Variants in EXOC4 observed in about 807,000 individuals in gnomAD.
The protein encoded by EXOC4 is SEC8-like 1.
Under a neutral mutation model 107.2 loss-of-function variants are expected in EXOC4, and 71 were observed. The observed-to-expected ratio is 0.66, with a 90% confidence interval of 0.55 to 0.81. The LOEUF is 0.81. EXOC4 is among the 30% of genes least tolerant of loss of function. The pLI is 0.00. For synonymous variants in EXOC4, 456 were observed against 441.2 expected (o/e 1.03, Z -0.42); for missense variants, 1,108 against 1,189.6 (o/e 0.93, Z 1.01).
At chr7:133,877,354 T>C (rs144375149) in intron 11 of EXOC4, among the ~76,000 whole-genome samples, 17 of 152,066 alleles carry the variant, frequency 1.1e-4, no homozygotes, top group Non-Finnish European at 1.9e-4. Flanking sequence ...ACATGCGAGG[T>C]TTTTTTTACA....
At chr7:133,432,974 C>T (rs867671846) in intron 7 of EXOC4, among the ~76,000 whole-genome samples, 3 of 152,212 alleles carry the variant, frequency 2.0e-5, no homozygotes, top group South Asian at 2.1e-4. Context: ...ATTTCTGAGA[C>T]ATCAATGAAA....
chr7:133,268,231 C>T (rs892720949), intron 1 of EXOC4, among the ~76,000 whole-genome samples: 3 of 152,222 alleles, frequency 2.0e-5, no homozygotes, highest in East Asian at 1.9e-4. Context: ...TGCAGAGCTC[C>T]GTTTGAATCT....
At chr7:133,373,644 A>G (rs2079749146) in intron 6 of EXOC4, among the ~76,000 whole-genome samples, 1 of 152,216 alleles carries the variant, frequency 6.6e-6, no homozygotes, top group South Asian at 2.1e-4. Context: ...GACACTGCTG[A>G]CAAGCTCTTT....
At chr7:133,324,185 A>G (rs1301846750) in intron 5 of EXOC4, among the ~76,000 whole-genome samples, 1 of 151,886 alleles carries the variant, frequency 6.6e-6, no homozygotes, top group Non-Finnish European at 1.5e-5. Flanking sequence ...TTGATTTTTG[A>G]AGGGTTTTTT....
chr7:134,068,828 C>T (rs1186886029), downstream of EXOC4, among the ~76,000 whole-genome samples: 1 of 152,182 alleles, frequency 6.6e-6, no homozygotes, highest in East Asian at 1.9e-4. Flanking sequence ...GGCAACCAAA[C>T]CCTAATGCTA....
chr7:133,614,069 A>G (rs894013940), intron 9 of EXOC4, among the ~76,000 whole-genome samples: 1 of 152,148 alleles, frequency 6.6e-6, no homozygotes, highest in Non-Finnish European at 1.5e-5. Flanking sequence ...TGAGTTCCCA[A>G]ACATCATTAA....
chr7:133,711,980 T>G (rs1447618295), intron 10 of EXOC4, among the ~76,000 whole-genome samples: 1 of 152,152 alleles, frequency 6.6e-6, no homozygotes, highest in Non-Finnish European at 1.5e-5. Context: ...AAAGTGGATT[T>G]GACAAACATC....
At chr7:133,564,219 A>G (rs1278061171) in intron 9 of EXOC4, among the ~76,000 whole-genome samples, 1 of 152,174 alleles carries the variant, frequency 6.6e-6, no homozygotes, top group African/African-American at 2.4e-5. Flanking sequence ...GGAAGGCCTC[A>G]GGAAACCTTC....
intron 17 of EXOC4, among the ~76,000 whole-genome samples, chr7:134,063,483 G>A (rs185814072): frequency 1.8e-3 from 272 of 152,256 alleles, no homozygotes; most frequent in Middle Eastern, 0.01. Flanking sequence ...TCTTTGTGAT[G>A]TGGGCAAGCC....
chr7:134,007,238 G>C (rs897347370), intron 16 of EXOC4, among the ~76,000 whole-genome samples: 12 of 152,124 alleles, frequency 7.9e-5, no homozygotes, highest in African/African-American at 2.9e-4. Flanking sequence ...CAACTTTTGA[G>C]CCCAAAGTGT....
At chr7:134,006,829 A>G (rs1794652488) in intron 16 of EXOC4, among the ~76,000 whole-genome samples, 1 of 152,186 alleles carries the variant, frequency 6.6e-6, no homozygotes, top group Admixed American at 6.5e-5. Flanking sequence ...AGTAACCCAT[A>G]TGTGCCTCAC....
chr7:133,971,273 T>TA (rs1449830633), intron 14 of EXOC4, among the ~76,000 whole-genome samples: 2 of 132,662 alleles, frequency 1.5e-5, no homozygotes, highest in Non-Finnish European at 3.2e-5. Context: ...TGTTGGTTTT[T>TA]TAAAAAAAAT....
chr7:134,034,135 G>A (rs1228349543), intron 17 of EXOC4, among the ~76,000 whole-genome samples: 6 of 152,116 alleles, frequency 3.9e-5, no homozygotes, highest in Non-Finnish European at 7.3e-5. Flanking sequence ...GCTTAGAGAG[G>A]AACCAGTCCA....
At chr7:133,790,920 C>T (rs1368095525) in intron 10 of EXOC4, among the ~76,000 whole-genome samples, 4 of 152,232 alleles carry the variant, frequency 2.6e-5, no homozygotes, top group Non-Finnish European at 5.9e-5. Flanking sequence ...ACTCAACTCT[C>T]TGAAGCATGG....
intron 10 of EXOC4, among the ~76,000 whole-genome samples, chr7:133,679,163 C>T (rs769985503): frequency 1.3e-5 from 2 of 152,080 alleles, no homozygotes; most frequent in African/African-American, 2.4e-5. Context: ...AGTTGCTATT[C>T]ATCTAAGTCT....
chr7:133,587,888 A>G (rs564524707), intron 9 of EXOC4, among the ~76,000 whole-genome samples: 56 of 152,346 alleles, frequency 3.7e-4, no homozygotes, highest in African/African-American at 1.3e-3. Context: ...AATTCACCAA[A>G]CACTACACTT....
intron 10 of EXOC4, among the ~76,000 whole-genome samples, chr7:133,801,937 T>C (rs1413816332): frequency 6.6e-6 from 1 of 152,228 alleles, no homozygotes; most frequent in Non-Finnish European, 1.5e-5. Context: ...GTTTTAAAAC[T>C]GTTCAGGATA....
intron 7 of EXOC4, chr7:133,396,272 C>T (rs1403550248): frequency 6.6e-6 from 1 of 152,170 alleles, no homozygotes; most frequent in Non-Finnish European, 1.5e-5. Context: ...GAAACTTCAA[C>T]ACTCAGACTC....
intron 9 of EXOC4, among the ~76,000 whole-genome samples, chr7:133,509,418 A>G (rs922447389): frequency 4.6e-5 from 7 of 151,126 alleles, no homozygotes; most frequent in East Asian, 1.9e-4. Flanking sequence ...ACAGAGCAAG[A>G]CTCCGTCTAA....
Sources: gnomAD v4.1 joint callset for allele counts (sites outside exome capture counted in the v4.1 genomes callset) on GRCh38, gnomAD v4.1.1 for gene constraint, MANE v1.5 for transcripts, NCBI Gene and HGNC (gene_info 2026-07-23, HGNC 2026-07-21) for gene names.